The following PLCE1 variants were observed in gnomAD, a reference collection of about 807,000 sequenced individuals.
The protein encoded by PLCE1 is 1-phosphatidylinositol 4,5-bisphosphate phosphodiesterase epsilon-1.
A neutral mutation model predicts 242.8 loss-of-function variants in PLCE1; 119 were observed. The observed-to-expected ratio is 0.49, with a 90% CI of 0.42 to 0.57. The LOEUF (loss-of-function observed/expected upper bound fraction) is 0.57. Among genes scored for constraint, PLCE1 ranks in the 20% least tolerant of loss-of-function variants. The pLI, the probability that PLCE1 is intolerant of heterozygous loss-of-function variation, is 0.00. For synonymous variants in PLCE1, 945 were observed against 1,017.4 expected, an observed-to-expected ratio of 0.93 and a Z score of 1.35; for missense variants, 2,441 against 2,788.8, an observed-to-expected ratio of 0.88 and a Z score of 2.81.
At chr10:94,045,146 G>A (rs1053790300) in intron 2 of PLCE1, among the ~76,000 whole-genome samples, 1 of 151,946 alleles carries the variant, frequency 6.6e-6, no homozygotes, top group Non-Finnish European at 1.5e-5. Flanking sequence ...GATTATAGAT[G>A]CATACCACCA....
At chr10:94,142,299 G>A (rs916548645) in intron 3 of PLCE1, among the ~76,000 whole-genome samples, 2 of 145,044 alleles carry the variant, frequency 1.4e-5, no homozygotes, top group African/African-American at 2.5e-5. Context: ...AGAAGATCAC[G>A]TTAGGCCAGG....
chr10:94,192,484 G>A (rs376985271), intron 4 of PLCE1, among the ~76,000 whole-genome samples: 27 of 152,272 alleles, frequency 1.8e-4, no homozygotes, highest in African/African-American at 6.5e-4. Context: ...TAGGACAATA[G>A]CCTTTAGCTG....
chr10:94,144,419 C>T (rs956488736), intron 3 of PLCE1, among the ~76,000 whole-genome samples: 1 of 152,292 alleles, frequency 6.6e-6, no homozygotes, highest in East Asian at 1.9e-4. Context: ...CTGCTGCCCC[C>T]TTGCCCTAGA....
At chr10:94,270,818 C>A (rs939147531) in intron 18 of PLCE1, among the ~76,000 whole-genome samples, 4 of 152,050 alleles carry the variant, frequency 2.6e-5, no homozygotes, top group Non-Finnish European at 2.9e-5. Context: ...TACCAGCATG[C>A]GCCCCCATGC....
chr10:94,327,287 C>T (rs986698463), intron 32 of PLCE1, among the ~76,000 whole-genome samples: 1 of 151,554 alleles, frequency 6.6e-6, no homozygotes, highest in African/African-American at 2.4e-5. Flanking sequence ...AAGAAGAGCT[C>T]ATAAGAAAAG....
chr10:94,002,031 G>C (rs1370528608), intron 1 of PLCE1, among the ~76,000 whole-genome samples: 1 of 152,054 alleles, frequency 6.6e-6, no homozygotes, highest in South Asian at 2.1e-4. Context: ...TACTGTGCTT[G>C]AGGTTTTTCT....
At chr10:94,304,112 G>A (rs901114265) in intron 24 of PLCE1, among the ~76,000 whole-genome samples, 2 of 152,112 alleles carry the variant, frequency 1.3e-5, no homozygotes, top group South Asian at 2.1e-4. Flanking sequence ...GTACCTTCTC[G>A]TCCTGGAACC....
At chr10:94,211,509 T>C (rs2049329481) in intron 4 of PLCE1, among the ~76,000 whole-genome samples, 1 of 152,238 alleles carries the variant, frequency 6.6e-6, no homozygotes. Context: ...TCTTTTCCAA[T>C]TCAAACATTC....
At chr10:94,055,004 T>A (rs1235760977) in intron 2 of PLCE1, among the ~76,000 whole-genome samples, 1 of 111,200 alleles carries the variant, frequency 9.0e-6, no homozygotes, top group Non-Finnish European at 1.7e-5. Flanking sequence ...AGAGCGAGAC[T>A]CCATCTCAAA....
intron 3 of PLCE1, among the ~76,000 whole-genome samples, chr10:94,147,043 A>C (rs551001455): frequency 6.6e-6 from 1 of 152,078 alleles, no homozygotes; most frequent in Non-Finnish European, 1.5e-5. Flanking sequence ...TTCTACACGC[A>C]TAATGTAGAG....
chr10:94,021,402 T>A (rs2061375140), intron 1 of PLCE1, among the ~76,000 whole-genome samples: 1 of 152,112 alleles, frequency 6.6e-6, no homozygotes, highest in African/African-American at 2.4e-5. Context: ...AGATTTTATA[T>A]TCTGGCCTAT....
At chr10:94,260,519 G>A (rs544071657) in intron 13 of PLCE1, among the ~76,000 whole-genome samples, 12 of 152,004 alleles carry the variant, frequency 7.9e-5, no homozygotes, top group African/African-American at 2.9e-4. Context: ...AGACTATTAA[G>A]TATTGTTCAA....
intron 2 of PLCE1, among the ~76,000 whole-genome samples, chr10:94,051,820 C>G (rs931776016): frequency 6.6e-6 from 1 of 152,192 alleles, no homozygotes; most frequent in African/African-American, 2.4e-5. Flanking sequence ...TGGCTGCCTT[C>G]ATTTGTATTT....
At chr10:94,303,237 T>C (rs925523024) in intron 24 of PLCE1, among the ~76,000 whole-genome samples, 4 of 152,232 alleles carry the variant, frequency 2.6e-5, no homozygotes, top group Non-Finnish European at 5.9e-5. Context: ...ATGTGGCCCA[T>C]GTACAGAGTT....
intron 26 of PLCE1, among the ~76,000 whole-genome samples, chr10:94,307,838 G>A (rs12249709): frequency 0.033 from 5,076 of 152,252 alleles, 283 homozygotes; most frequent in African/African-American, 0.11. Context: ...ACAAGAATGG[G>A]GAGTATAGGG....
chr10:94,010,356 G>A (rs561209083), intron 1 of PLCE1, among the ~76,000 whole-genome samples: 1 of 152,212 alleles, frequency 6.6e-6, no homozygotes, highest in Non-Finnish European at 1.5e-5. Flanking sequence ...AGCCTGCAAT[G>A]GGAGGGGCAG....
chr10:94,102,879 C>A (rs1434627951), intron 2 of PLCE1, among the ~76,000 whole-genome samples: 1 of 152,170 alleles, frequency 6.6e-6, no homozygotes, highest in East Asian at 1.9e-4. Flanking sequence ...GCCCTGGAAT[C>A]TCTTCTGATG....
At chr10:94,035,723 C>G (rs1240798893) in intron 2 of PLCE1, among the ~76,000 whole-genome samples, 1 of 152,152 alleles carries the variant, frequency 6.6e-6, no homozygotes, top group Non-Finnish European at 1.5e-5. Flanking sequence ...TCAGTATTTT[C>G]TAAGGTATGG....
At chr10:94,203,744 T>C (rs1170207307) in intron 4 of PLCE1, among the ~76,000 whole-genome samples, 4 of 152,302 alleles carry the variant, frequency 2.6e-5, no homozygotes, top group Admixed American at 1.3e-4. Flanking sequence ...ACCTTGTGCA[T>C]TGATGATGAT....
Sources: gnomAD v4.1 joint callset for allele counts (sites outside exome capture counted in the v4.1 genomes callset) on GRCh38, gnomAD v4.1.1 for gene constraint, MANE v1.5 for transcripts, NCBI Gene and HGNC (gene_info 2026-07-23, HGNC 2026-07-21) for gene names.